The following CNTNAP4 variants were observed in gnomAD, a reference collection of about 807,000 sequenced individuals.
CNTNAP4 encodes the protein contactin-associated protein-like 4.
CNTNAP4 carries 98 observed loss-of-function variants against 148.4 expected under a neutral mutation model. The ratio of observed to expected loss-of-function variants is 0.66; its 90% CI spans 0.56 to 0.78. CNTNAP4 has a LOEUF of 0.78. CNTNAP4 is among the 30% of genes least tolerant of loss of function. CNTNAP4 has a pLI of 0.00. For missense variants in CNTNAP4, 1,935 were observed against 1,565.6 expected (o/e 1.24, Z -3.98); for synonymous variants, 730 against 565.1 (o/e 1.29, Z -4.14).
In CNTNAP4 at chr16:76,298,019, G is replaced by A. The variant is rs571626077; in HGVS notation, c.86-18394G>A. 1.8e-4 allele frequency among the ~76,000 whole-genome samples: 28 copies of A among 151,774 alleles called. No homozygotes were observed. In the South Asian group the frequency reaches 4.4e-3, roughly 24 times the overall value. ...TTCTGTTTTTCTGCTATCTTCACCC[G>A]TCTCTTCACATAGTCACAAATTACT... On this transcript the variant is annotated intron_variant, in intron 1 of 23. Coordinates refer to ENST00000611870, the MANE Select transcript of CNTNAP4 (RefSeq NM_033401.5).
At chr16:76,369,175 A>T (rs2014509497) in intron 3 of CNTNAP4, among the ~76,000 whole-genome samples, 1 of 152,170 alleles carries the variant, frequency 6.6e-6, no homozygotes, top group Admixed American at 6.5e-5. Context: ...TTGGAATGAA[A>T]ACATTTGAAA....
intron 3 of CNTNAP4, among the ~76,000 whole-genome samples, chr16:76,375,805 A>G (rs1475436722): frequency 2.0e-5 from 3 of 152,152 alleles, no homozygotes; most frequent in Non-Finnish European, 4.4e-5. Flanking sequence ...GAATAGTCGG[A>G]TTGTCAGTTC....
At chr16:76,320,317 C>T (rs938590843) in intron 2 of CNTNAP4, among the ~76,000 whole-genome samples, 24 of 152,076 alleles carry the variant, frequency 1.6e-4, no homozygotes, top group African/African-American at 5.8e-4. Context: ...TTTGTTTCTC[C>T]TTGAAGCTTA....
At chr16:76,514,027 A>G (rs2083133447) in intron 15 of CNTNAP4, among the ~76,000 whole-genome samples, 1 of 152,250 alleles carries the variant, frequency 6.6e-6, no homozygotes, top group African/African-American at 2.4e-5. Flanking sequence ...CATGGAGGAC[A>G]TCAATCTTGG....
chr16:76,342,309 T>A (rs1014008501), intron 2 of CNTNAP4, among the ~76,000 whole-genome samples: 18 of 152,218 alleles, frequency 1.2e-4, no homozygotes, highest in African/African-American at 4.1e-4. Context: ...CAAAGGGCAA[T>A]TATATAACAC....
intron 1 of CNTNAP4, among the ~76,000 whole-genome samples, chr16:76,308,969 C>A (rs1960794104): frequency 6.6e-6 from 1 of 150,778 alleles, no homozygotes; most frequent in Non-Finnish European, 1.5e-5. Flanking sequence ...GGATTCCAGG[C>A]TAATTTTTTT....
intron 11 of CNTNAP4, among the ~76,000 whole-genome samples, chr16:76,477,331 T>C (rs968080187): frequency 6.6e-5 from 10 of 152,136 alleles, no homozygotes; most frequent in African/African-American, 2.4e-4. Context: ...CCCCATTTTT[T>C]CCGATTATTA....
intron 3 of CNTNAP4, among the ~76,000 whole-genome samples, chr16:76,420,782 C>T (rs574853582): frequency 6.6e-6 from 1 of 151,990 alleles, no homozygotes; most frequent in Admixed American, 6.6e-5. Context: ...GGGCTCACCT[C>T]TTTGGGTTTT....
rs1320164752 is a variant in CNTNAP4, at chr16:76,560,547, G to C, written c.*1864G>C. On this transcript the variant is annotated 3_prime_UTR_variant, in exon 24 of 24. Coordinates refer to ENST00000611870, the MANE Select transcript of CNTNAP4 (RefSeq NM_033401.5). ...TTATATCTCTGAATCTTTTGCAGAT[G>C]TTCATGTTATTTAGTAGCGGTATTA... Among the ~76,000 whole-genome samples the C allele has an allele frequency of 6.6e-6, 1 of 152,134 alleles. No individual in the cohort carries two copies. The highest frequency in any genetic ancestry group is 1.9e-4 in the East Asian group (1 of 5,192).
intron 2 of CNTNAP4, among the ~76,000 whole-genome samples, chr16:76,331,256 CG>C (rs1282900400): frequency 6.6e-6 from 1 of 151,592 alleles, no homozygotes; most frequent in Non-Finnish European, 1.5e-5. Flanking sequence ...GGCGCGATCT[CG>C]GCTCACTGTA....
At chr16:76,480,004 G>T (rs1326513524) in intron 12 of CNTNAP4, among the ~76,000 whole-genome samples, 2 of 152,088 alleles carry the variant, frequency 1.3e-5, no homozygotes, top group African/African-American at 2.4e-5. Flanking sequence ...AAGTTACCTT[G>T]TTTCGATAAA....
At chr16:76,542,925 A>T (rs889503767) in intron 21 of CNTNAP4, among the ~76,000 whole-genome samples, 1 of 152,222 alleles carries the variant, frequency 6.6e-6, no homozygotes, top group African/African-American at 2.4e-5. Flanking sequence ...TATATTCAAC[A>T]TATTATAAAA....
At chr16:76,478,349 G>A (rs931119195) in intron 11 of CNTNAP4, among the ~76,000 whole-genome samples, 1 of 152,170 alleles carries the variant, frequency 6.6e-6, no homozygotes, top group Non-Finnish European at 1.5e-5. Context: ...AAATGCAAAT[G>A]TGACTGGAAG....
chr16:76,489,990 G>C, intron 13 of CNTNAP4, 107 bp downstream of exon 13: 1 of 596,744 alleles, frequency 1.7e-6, no homozygotes, highest in Admixed American at 3.6e-5. Context: ...TAGCCACTGA[G>C]GGTATATGAT....
At chr16:76,480,246 C>CT (rs1301496203) in intron 12 of CNTNAP4, among the ~76,000 whole-genome samples, 1 of 152,038 alleles carries the variant, frequency 6.6e-6, no homozygotes, top group Admixed American at 6.6e-5. Flanking sequence ...TACAGATAAA[C>CT]TATTAGGATT....
intron 12 of CNTNAP4, among the ~76,000 whole-genome samples, chr16:76,484,356 A>G (rs1202697676): frequency 1.3e-5 from 2 of 151,876 alleles, no homozygotes; most frequent in Non-Finnish European, 2.9e-5. Context: ...GATTAAAAGT[A>G]TTGATGGAAA....
chr16:76,473,666 C>T (rs556069688), intron 10 of CNTNAP4, among the ~76,000 whole-genome samples: 24 of 151,982 alleles, frequency 1.6e-4, no homozygotes, highest in African/African-American at 5.1e-4. Context: ...TCCAGCTACT[C>T]GGGAGGCTGA....
chr16:76,352,385 A>G (rs931596465), intron 2 of CNTNAP4, among the ~76,000 whole-genome samples: 5 of 152,286 alleles, frequency 3.3e-5, no homozygotes, highest in Admixed American at 2.0e-4. Context: ...AGTTGACCCT[A>G]CTGCCTGGTA....
chr16:76,286,059 T>A (rs1958868686), intron 1 of CNTNAP4, among the ~76,000 whole-genome samples: 1 of 152,104 alleles, frequency 6.6e-6, no homozygotes. Flanking sequence ...TATTCAAAGA[T>A]ACTATGTATT....
Sources: allele counts gnomAD v4.1 joint callset (sites outside exome capture counted in the v4.1 genomes callset), GRCh38; gene constraint gnomAD v4.1.1; transcripts MANE v1.5; gene names NCBI Gene and HGNC (gene_info 2026-07-23, HGNC 2026-07-21).